The following DENND4C variants were observed in gnomAD, a reference collection of about 807,000 sequenced individuals.
DENND4C encodes DENN domain-containing protein 4C.
A neutral mutation model predicts 203.0 loss-of-function variants in DENND4C; 108 were observed. The observed-to-expected ratio is 0.53, with a 90% CI of 0.46 to 0.62. DENND4C has a LOEUF of 0.62. DENND4C is among the 20% of genes least tolerant of loss of function. The probability of loss-of-function intolerance (pLI) is 0.00; values close to 1 mark genes in which losing one functional copy is unlikely to be tolerated. For synonymous variants in DENND4C, 871 were observed against 792.4 expected (o/e 1.10, Z -1.67); for missense variants, 2,481 against 2,301.2 (o/e 1.08, Z -1.60).
chr9:19,339,037 C>T (rs1270744128), intron 20 of DENND4C, among the ~76,000 whole-genome samples: 1 of 152,138 alleles, frequency 6.6e-6, no homozygotes, highest in East Asian at 1.9e-4. Flanking sequence ...AGAAAAGTTG[C>T]AAGAATAATA....
intron 10 of DENND4C, among the ~76,000 whole-genome samples, chr9:19,313,828 G>C (rs1301118008): frequency 6.6e-6 from 1 of 152,140 alleles, no homozygotes; most frequent in Non-Finnish European, 1.5e-5. Flanking sequence ...CCATTAGTTG[G>C]CAGGCATATA....
At chr9:19,235,913 T>C (rs1704880635) in intron 1 of DENND4C, among the ~76,000 whole-genome samples, 1 of 152,056 alleles carries the variant, frequency 6.6e-6, no homozygotes, top group African/African-American at 2.4e-5. Flanking sequence ...AGTCATCTTA[T>C]ATATCTTTGT....
chr9:19,310,728 T>G (rs536193420), intron 10 of DENND4C, among the ~76,000 whole-genome samples: 1 of 152,338 alleles, frequency 6.6e-6, no homozygotes, highest in African/African-American at 2.4e-5. Context: ...GATTGGATGT[T>G]CACGCACATG....
At chr9:19,317,671 A>G (rs1842079106) in intron 12 of DENND4C, among the ~76,000 whole-genome samples, 1 of 152,140 alleles carries the variant, frequency 6.6e-6, no homozygotes, top group African/African-American at 2.4e-5. Flanking sequence ...CTTACTGGCT[A>G]GTTATTATGT....
intron 17 of DENND4C, 28 bp from the exon 18 acceptor site, chr9:19,334,949 A>G: frequency 6.4e-7 from 1 of 1,571,262 alleles, no homozygotes; most frequent in South Asian, 1.2e-5. Context: ...TATACTAATT[A>G]CTGACACTGA....
intron 12 of DENND4C, among the ~76,000 whole-genome samples, chr9:19,317,563 G>A (rs2131573101): frequency 6.6e-6 from 1 of 151,930 alleles, no homozygotes; most frequent in African/African-American, 2.4e-5. Context: ...TTTTTACCTA[G>A]TGATTACTTT....
intron 24 of DENND4C, among the ~76,000 whole-genome samples, chr9:19,351,490 T>C (rs1824102619): frequency 1.3e-5 from 2 of 152,044 alleles, no homozygotes; most frequent in Admixed American, 6.6e-5. Context: ...CGGTTCTTTT[T>C]CTCTGACTTT....
chr9:19,271,869 CAAAA>C (rs200794983), intron 1 of DENND4C, among the ~76,000 whole-genome samples: 5 of 82,452 alleles, frequency 6.1e-5, no homozygotes, highest in Admixed American at 2.8e-4. Context: ...AACTCTGTCT[CAAAA>C]AAAAAAAAAA....
At chr9:19,365,920 TAAAG>T (rs1373722396) in intron 30 of DENND4C, among the ~76,000 whole-genome samples, 3 of 151,976 alleles carry the variant, frequency 2.0e-5, no homozygotes, top group Non-Finnish European at 2.9e-5. Flanking sequence ...TGAAAGAAAT[TAAAG>T]AATAAGTAAA....
chr9:19,307,875 A>G (rs191134772), intron 10 of DENND4C, among the ~76,000 whole-genome samples: 71 of 152,012 alleles, frequency 4.7e-4, no homozygotes, highest in African/African-American at 1.5e-3. Context: ...TCCAGATCCA[A>G]CCATCATCTT....
rs201145654 is a variant in DENND4C, at chr9:19,356,966, A to G, written c.4782-6A>G. Reference sequence around the variant, plus strand: ...AGGCTCTTTTTCCCCCCTTTTCCTTATGTAGCTTTTTCCTGAAACCAAGTA... The same window carrying G: ...AGGCTCTTTTTCCCCCCTTTTCCTTGTGTAGCTTTTTCCTGAAACCAAGTA... On this transcript the variant is annotated splice_polypyrimidine_tract_variant and splice_region_variant and intron_variant, in intron 26 of 32. Transcript: ENST00000434457. The G allele has an allele frequency of 9.4e-5, 152 of 1,612,726 alleles. No individual in the cohort carries two copies. The highest frequency in any genetic ancestry group is 1.8e-4 in the Admixed American group (11 of 59,884).
chr9:19,307,963 A>G (rs140204298), intron 10 of DENND4C, among the ~76,000 whole-genome samples: 2,395 of 151,966 alleles, frequency 0.016, 30 homozygotes, highest in Non-Finnish European at 0.024. Flanking sequence ...TTTATTATAT[A>G]TATATTAATC....
intron 1 of DENND4C, among the ~76,000 whole-genome samples, chr9:19,233,561 C>CA (rs796637728): frequency 1.5e-5 from 2 of 131,308 alleles, no homozygotes; most frequent in African/African-American, 2.8e-5. Flanking sequence ...TATTTGAAAC[C>CA]TTTTTTTTTT....
chr9:19,246,242 CTG>C (rs1825223234), intron 1 of DENND4C, among the ~76,000 whole-genome samples: 1 of 151,630 alleles, frequency 6.6e-6, no homozygotes, highest in Non-Finnish European at 1.5e-5. Flanking sequence ...TTTGTCAACT[CTG>C]TAATTCCTTG....
intron 10 of DENND4C, among the ~76,000 whole-genome samples, chr9:19,312,623 T>C (rs1400811229): frequency 6.6e-6 from 1 of 152,230 alleles, no homozygotes; most frequent in African/African-American, 2.4e-5. Flanking sequence ...TTTTAAGTTA[T>C]TTTTGAGCTG....
At chr9:19,290,032 G>T (rs1346285406) in intron 4 of DENND4C, among the ~76,000 whole-genome samples, 1 of 152,082 alleles carries the variant, frequency 6.6e-6, no homozygotes, top group Non-Finnish European at 1.5e-5. Flanking sequence ...CTGAATTTGG[G>T]CTCAAAATTC....
intron 26 of DENND4C, among the ~76,000 whole-genome samples, chr9:19,354,644 C>A (rs1824967513): frequency 6.7e-6 from 1 of 150,246 alleles, no homozygotes; most frequent in Non-Finnish European, 1.5e-5. Context: ...GTCTGCCTCC[C>A]AGGTTGAAGC....
Position 19,298,269 on chromosome 9 carries a change from A to G in DENND4C, c.1107+147A>G, listed in dbSNP as rs570916479. On this transcript the variant is annotated intron_variant, in intron 7 of 32. Coordinates refer to ENST00000434457, the MANE Select transcript of DENND4C (RefSeq NM_001330640.2). ...TTTTCTGTGCTTTGTAGCTTTACTGAACACCCTTTCTTACTGGGTTTTGGA... is the reference window on the plus strand; with the variant it reads ...TTTTCTGTGCTTTGTAGCTTTACTGGACACCCTTTCTTACTGGGTTTTGGA... The G allele has an allele frequency of 1.3e-4, 84 of 623,926 alleles. 1 individual carries two copies. In the East Asian group the frequency reaches 2.3e-3, roughly 17 times the overall value. The allele number at this position is 623,926 out of a possible 1,614,324, so 38.6% of individuals were successfully genotyped here.
intron 10 of DENND4C, among the ~76,000 whole-genome samples, chr9:19,315,390 C>G (rs748032140): frequency 2.6e-5 from 4 of 151,492 alleles, no homozygotes; most frequent in Non-Finnish European, 5.9e-5. Flanking sequence ...CCAGCTTAAC[C>G]ATGAATTTTA....
Sources: gnomAD v4.1 joint callset for allele counts (sites outside exome capture counted in the v4.1 genomes callset) on GRCh38, gnomAD v4.1.1 for gene constraint, MANE v1.5 for transcripts, NCBI Gene and HGNC (gene_info 2026-07-23, HGNC 2026-07-21) for gene names.